NKAIN3: variants seen among roughly 807,000 people sequenced by gnomAD.
NKAIN3 encodes sodium/potassium transporting ATPase interacting 3.
In NKAIN3, 25 loss-of-function variants were observed where a neutral mutation model predicts 30.2. The ratio of observed to expected loss-of-function variants is 0.83; its 90% CI spans 0.60 to 1.16. The LOEUF (loss-of-function observed/expected upper bound fraction) is 1.16. NKAIN3 is among the 50% of genes most tolerant of loss of function. The pLI, the probability that NKAIN3 is intolerant of heterozygous loss-of-function variation, is 0.00. For missense variants in NKAIN3, 225 were observed against 254.1 expected (o/e 0.89, Z 0.78); for synonymous variants, 91 against 89.6 (o/e 1.02, Z -0.09).
intron 3 of NKAIN3, among the ~76,000 whole-genome samples, chr8:62,651,045 C>G (rs927218197): frequency 2.6e-5 from 4 of 151,566 alleles, no homozygotes; most frequent in South Asian, 2.1e-4. Context: ...TTCAGAGACT[C>G]TCTATAAGAT....
intron 3 of NKAIN3, among the ~76,000 whole-genome samples, chr8:62,598,083 T>C (rs912968121): frequency 2.0e-5 from 3 of 152,018 alleles, no homozygotes; most frequent in Non-Finnish European, 4.4e-5. Flanking sequence ...AATTATTTTT[T>C]CAGTTTCCTT....
At chr8:62,678,691 A>T (rs902626901) in intron 3 of NKAIN3, among the ~76,000 whole-genome samples, 2 of 150,298 alleles carry the variant, frequency 1.3e-5, no homozygotes, top group Non-Finnish European at 3.0e-5. Context: ...ATATCATATT[A>T]TATTGATAAT....
At chr8:62,367,929 T>A (rs1816788995) in intron 1 of NKAIN3, among the ~76,000 whole-genome samples, 1 of 152,026 alleles carries the variant, frequency 6.6e-6, no homozygotes, top group Admixed American at 6.6e-5. Flanking sequence ...TCTACACTAA[T>A]GAGGAACTAT....
At chr8:62,406,450 TTTA>T (rs1337338245) in intron 1 of NKAIN3, among the ~76,000 whole-genome samples, 7 of 152,182 alleles carry the variant, frequency 4.6e-5, no homozygotes, top group African/African-American at 1.4e-4. Context: ...GTATAAGTCT[TTTA>T]TGAGTCTTTT....
chr8:62,496,565 A>T (rs1215149682), intron 1 of NKAIN3, among the ~76,000 whole-genome samples: 1 of 152,166 alleles, frequency 6.6e-6, no homozygotes, highest in East Asian at 1.9e-4. Flanking sequence ...TTCAATATGA[A>T]GTCATCCTAG....
chr8:62,795,487 A>G (rs1586203102), intron 4 of NKAIN3, among the ~76,000 whole-genome samples: 2 of 152,282 alleles, frequency 1.3e-5, no homozygotes, highest in Middle Eastern at 6.8e-3. Context: ...GCACCAACCC[A>G]TCCTAGAATC....
chr8:62,905,212 G>T (rs553673744), intron 4 of NKAIN3, among the ~76,000 whole-genome samples: 1 of 152,270 alleles, frequency 6.6e-6, no homozygotes, highest in South Asian at 2.1e-4. Context: ...AGGGTGAGGG[G>T]GTCATGGGAA....
intron 1 of NKAIN3, among the ~76,000 whole-genome samples, chr8:62,478,010 C>T (rs1159851702): frequency 6.6e-6 from 1 of 152,166 alleles, no homozygotes; most frequent in Non-Finnish European, 1.5e-5. Context: ...TCACTTCCGT[C>T]TGTTCTTAAA....
At position 62,971,643 on chromosome 8, in the gene NKAIN3, C is replaced by G. The variant is rs199609891; in HGVS notation, c.*6236C>G. 6.6e-4 allele frequency among the ~76,000 whole-genome samples: 100 copies of G among 150,586 alleles called. 1 individual carries two copies. The highest frequency in any genetic ancestry group is 2.3e-3 in the African/African-American group (96 of 40,992). On this transcript the variant is annotated 3_prime_UTR_variant, in exon 7 of 7. Transcript: ENST00000623646. ...GCCAAACCTTGTCTCAAAAAAAAAG[C>G]GGGGGGGGCTTCATTTATTAGTAAG...
rs375128379 is a variant in NKAIN3, at chr8:62,437,316, CG to C, written c.55-142222del. ...TCATAAAATATCTCCCAAATAGAAA[CG>C]TAAGGCTTTATCACAAATAGTTAAC... On this transcript the variant is annotated intron_variant, in intron 1 of 6. Transcript: ENST00000623646. Among the ~76,000 whole-genome samples the C allele has an allele frequency of 2.2e-3, 336 of 152,248 alleles. 2 individuals carry two copies. Among genetic ancestry groups the C allele is most frequent in the African/African-American group, 7.1e-3 (295 of 41,552 alleles).
intron 4 of NKAIN3, among the ~76,000 whole-genome samples, chr8:62,796,987 C>T (rs1817883308): frequency 6.6e-6 from 1 of 152,190 alleles, no homozygotes; most frequent in East Asian, 1.9e-4. Context: ...GAAGTGCTCT[C>T]TGATTCCATT....
intron 3 of NKAIN3, among the ~76,000 whole-genome samples, chr8:62,615,593 T>C (rs1446274393): frequency 6.6e-6 from 1 of 152,154 alleles, no homozygotes; most frequent in Non-Finnish European, 1.5e-5. Flanking sequence ...CAAGTTTACT[T>C]GTAGACACAG....
At chr8:62,536,446 G>A (rs1320495426) in intron 1 of NKAIN3, among the ~76,000 whole-genome samples, 1 of 152,098 alleles carries the variant, frequency 6.6e-6, no homozygotes, top group African/African-American at 2.4e-5. Flanking sequence ...CTTTCAAGAG[G>A]AGATAGGACC....
intron 4 of NKAIN3, among the ~76,000 whole-genome samples, chr8:62,867,708 A>T (rs1202210159): frequency 6.6e-6 from 1 of 152,224 alleles, no homozygotes; most frequent in African/African-American, 2.4e-5. Context: ...TAGCAGAAAC[A>T]TTAGCTGATA....
intron 1 of NKAIN3, among the ~76,000 whole-genome samples, chr8:62,388,044 C>T (rs1003679816): frequency 6.6e-6 from 1 of 152,122 alleles, no homozygotes; most frequent in Non-Finnish European, 1.5e-5. Context: ...TATGTAATGA[C>T]ATTGTGGAGT....
chr8:62,344,427 A>G (rs965942908), intron 1 of NKAIN3, among the ~76,000 whole-genome samples: 2 of 152,110 alleles, frequency 1.3e-5, no homozygotes, highest in Non-Finnish European at 2.9e-5. Context: ...AAAGCTCTAT[A>G]TACAGGGAGG....
At chr8:62,800,825 C>T (rs940516069) in intron 4 of NKAIN3, among the ~76,000 whole-genome samples, 10 of 152,272 alleles carry the variant, frequency 6.6e-5, no homozygotes, top group African/African-American at 2.2e-4. Flanking sequence ...TTGCCTCACT[C>T]GGGAAGTGCA....
intron 1 of NKAIN3, among the ~76,000 whole-genome samples, chr8:62,559,322 A>C (rs1489796352): frequency 6.6e-6 from 1 of 151,938 alleles, no homozygotes; most frequent in Non-Finnish European, 1.5e-5. Context: ...ATTTATTTGA[A>C]GTGAGTTTTT....
intron 1 of NKAIN3, among the ~76,000 whole-genome samples, chr8:62,496,785 T>C (rs975266002): frequency 1.3e-5 from 2 of 152,312 alleles, no homozygotes; most frequent in Admixed American, 1.3e-4. Context: ...TAGATTAGAC[T>C]AACTTTAGCT....
Sources: gnomAD v4.1 joint callset for allele counts (sites outside exome capture counted in the v4.1 genomes callset) on GRCh38, gnomAD v4.1.1 for gene constraint, MANE v1.5 for transcripts, NCBI Gene and HGNC (gene_info 2026-07-23, HGNC 2026-07-21) for gene names.